The following SUCO variants were observed in gnomAD, a reference collection of about 807,000 sequenced individuals.
SUCO encodes the protein SUN domain containing ossification factor, also known as SUN domain-containing ossification factor.
SUCO carries 57 observed loss-of-function variants against 148.1 expected under a neutral mutation model. That is an observed-to-expected ratio of 0.38 (90% CI 0.31 to 0.48). The LOEUF (loss-of-function observed/expected upper bound fraction) is 0.48. Among genes scored for constraint, SUCO ranks in the 20% least tolerant of loss-of-function variants. The pLI is 0.96. For synonymous variants in SUCO, 470 were observed against 502.7 expected (o/e 0.93, Z 0.87); for missense variants, 1,331 against 1,468.2 (o/e 0.91, Z 1.53).
chr1:172,589,991 C>A, intron 18 of SUCO, 65 bp downstream of exon 18: 2 of 1,284,182 alleles, frequency 1.6e-6, no homozygotes, highest in South Asian at 3.9e-5. Flanking sequence ...TAGAGTATGA[C>A]CTGTGATTAC....
Position 172,577,828 on chromosome 1 carries a change from G to T in SUCO, c.1340+9G>T, listed in dbSNP as rs752148135. 1.3e-6 allele frequency: 2 copies of T among 1,594,300 alleles called. No individual in the cohort carries two copies. The highest frequency in any genetic ancestry group is 1.1e-5 in the South Asian group (1 of 87,828). On this transcript the variant is annotated intron_variant, in intron 13 of 23. Coordinates refer to ENST00000263688, the MANE Select transcript of SUCO (RefSeq NM_014283.5). ...CCATTAAGCCTTATAAGGTAATGCA[G>T]AACAAAATACATTTATTGAGTTTTT...
At chr1:172,594,764 G>A (rs1473655617) in intron 19 of SUCO, among the ~76,000 whole-genome samples, 1 of 152,204 alleles carries the variant, frequency 6.6e-6, no homozygotes, top group Non-Finnish European at 1.5e-5. Flanking sequence ...TTGATTTAGG[G>A]TGGAGAGTTC....
At chr1:172,606,184 A>C (rs868211947) in intron 22 of SUCO, among the ~76,000 whole-genome samples, 11 of 151,696 alleles carry the variant, frequency 7.3e-5, no homozygotes, top group African/African-American at 2.2e-4. Flanking sequence ...GAAATTTTGC[A>C]TCTATATGAA....
chr1:172,560,944 A>G (rs1257520231), intron 6 of SUCO, among the ~76,000 whole-genome samples: 4 of 152,172 alleles, frequency 2.6e-5, no homozygotes, highest in Non-Finnish European at 5.9e-5. Context: ...GTCTATAGAG[A>G]TACTTTCCCC....
intron 6 of SUCO, among the ~76,000 whole-genome samples, chr1:172,567,208 A>G (rs889643586): frequency 6.6e-6 from 1 of 152,262 alleles, no homozygotes; most frequent in Non-Finnish European, 1.5e-5. Context: ...TAGCAAATAT[A>G]AACTAAATGA....
At chr1:172,545,531 G>A (rs915576442) in intron 1 of SUCO, among the ~76,000 whole-genome samples, 1 of 152,116 alleles carries the variant, frequency 6.6e-6, no homozygotes, top group African/African-American at 2.4e-5. Flanking sequence ...TCAAAGAGGA[G>A]ATGGTTTAAG....
intron 1 of SUCO, chr1:172,543,145 T>A: frequency 3.0e-6 from 1 of 332,270 alleles, no homozygotes; most frequent in Non-Finnish European, 4.3e-6. Flanking sequence ...ATTATGTCAG[T>A]CCCCTGATGA....
At chr1:172,545,065 G>A (rs987151992) in intron 1 of SUCO, among the ~76,000 whole-genome samples, 1 of 152,156 alleles carries the variant, frequency 6.6e-6, no homozygotes, top group Non-Finnish European at 1.5e-5. Flanking sequence ...CAAAGGAGTA[G>A]TCACAGGTGT....
At chr1:172,591,134 A>C in intron 19 of SUCO, 63 bp downstream of exon 19, 12 of 1,232,248 alleles carry the variant, frequency 9.7e-6, no homozygotes, top group South Asian at 1.3e-5. Flanking sequence ...GTAGGGTCTC[A>C]CTGGTAAACA....
intron 23 of SUCO, chr1:172,609,373 G>A (rs1440838422): frequency 2.0e-6 from 2 of 977,960 alleles, no homozygotes; most frequent in Non-Finnish European, 2.4e-6. Context: ...TAGGCAAATA[G>A]CCTAAGATTC....
intron 19 of SUCO, among the ~76,000 whole-genome samples, chr1:172,597,701 C>T (rs11809802): frequency 0.6 from 90,356 of 151,298 alleles, 27,440 homozygotes; most frequent in African/African-American, 0.7. Flanking sequence ...GGGAACTATT[C>T]TAGTATTGCA....
Position 172,585,940 on chromosome 1 carries a change from A to G in SUCO, c.1650A>G (p.Pro550=), listed in dbSNP as rs544126818. The change falls in exon 17 of 24, where the codon CCA becomes CCG. Residue 550 remains proline, a synonymous_variant. Coordinates refer to ENST00000263688, the MANE Select transcript of SUCO (RefSeq NM_014283.5). The stretch of plus-strand genomic sequence containing the variant: ...CAACTCCTGTTTCAACTCCTGTTCC[A>G]TCTCCTGAGTAAGTTATAATGTGAT... The part of the protein sequence containing the change: ...PESTPVSTPV[P]SPEYVTTEVH... The G allele has an allele frequency of 1.1e-5, 17 of 1,601,046 alleles. No homozygotes were observed. The highest frequency in any genetic ancestry group is 4.0e-5 in the African/African-American group (3 of 74,614).
chr1:172,600,696 ATGTGTG>A (rs61681764), intron 20 of SUCO, among the ~76,000 whole-genome samples: 9,123 of 148,976 alleles, frequency 0.061, 377 homozygotes, highest in African/African-American at 0.12. Context: ...AGAAAATTAA[ATGTGTG>A]TGTGTGTGTG....
intron 19 of SUCO, among the ~76,000 whole-genome samples, chr1:172,591,832 C>G (rs1046551556): frequency 6.6e-6 from 1 of 152,124 alleles, no homozygotes; most frequent in Non-Finnish European, 1.5e-5. Context: ...ATTTCTAGTT[C>G]TAGATCTCTG....
chr1:172,555,932 G>A lies in SUCO; in HGVS notation c.352G>A (p.Glu118Lys), dbSNP rs748521158. 1 of 1,612,894 alleles carries A rather than the reference G, an allele frequency of 6.2e-7. No homozygotes were observed. Among genetic ancestry groups the A allele is most frequent in the African/African-American group, 1.3e-5 (1 of 74,866 alleles). ...GACACTCCCTACAGTTGATTTGCAT[G>A]AAGAGTCTTCCAATGCAGTTGTGGA... The part of the protein sequence containing the change: ...VETLPTVDLH[E>K]ESSNAVVDSE... Residue 118 changes from glutamate to lysine, a missense_variant, in exon 4 of 24, where the codon GAA (glutamate) becomes AAA (lysine). Around this residue, in one of 3 missense-constraint regions of SUCO, gnomAD observed 992 missense variants for 1,093.5 expected, o/e 0.91. Transcript: ENST00000263688.
chr1:172,608,271 A>G (rs1468900144), intron 22 of SUCO: 1 of 199,714 alleles, frequency 5.0e-6, no homozygotes, highest in South Asian at 1.6e-4. Flanking sequence ...TTTTGTGTTT[A>G]TTTCTCTAAC....
At chr1:172,585,151 A>G (rs1656149375) in intron 16 of SUCO, 65 bp downstream of exon 16, 2 of 1,270,714 alleles carry the variant, frequency 1.6e-6, no homozygotes, top group Non-Finnish European at 2.2e-6. Context: ...ATTTAGGAAA[A>G]TCAAGTAATG....
At chr1:172,533,967 G>C (rs1253423201) in intron 1 of SUCO, among the ~76,000 whole-genome samples, 1 of 152,140 alleles carries the variant, frequency 6.6e-6, no homozygotes, top group South Asian at 2.1e-4. Flanking sequence ...ATAAGCAGTA[G>C]TTCTCCTGGA....
intron 19 of SUCO, among the ~76,000 whole-genome samples, chr1:172,595,685 C>A (rs1288642937): frequency 6.6e-6 from 1 of 152,156 alleles, no homozygotes; most frequent in Non-Finnish European, 1.5e-5. Context: ...GGTAACCCGA[C>A]CTTTCTCTCT....
Sources: allele counts gnomAD v4.1 joint callset (sites outside exome capture counted in the v4.1 genomes callset), GRCh38; gene constraint gnomAD v4.1.1; regional missense constraint gnomAD v4.1.1; transcripts MANE v1.5; gene names NCBI Gene and HGNC (gene_info 2026-07-23, HGNC 2026-07-21).